Variants in AKAP12 observed in about 807,000 individuals in gnomAD.
AKAP12 encodes A-kinase anchoring protein 12.
AKAP12 carries 32 observed loss-of-function variants against 79.9 expected under a neutral mutation model. That is an observed-to-expected ratio of 0.40 (90% CI 0.30 to 0.54). The LOEUF (loss-of-function observed/expected upper bound fraction) is 0.54. Among genes scored for constraint, AKAP12 ranks in the 20% least tolerant of loss-of-function variants. The probability of loss-of-function intolerance (pLI) is 0.48; values close to 1 mark genes in which losing one functional copy is unlikely to be tolerated. For missense variants in AKAP12, 2,074 were observed against 2,177.0 expected (o/e 0.95, Z 0.94); for synonymous variants, 808 against 857.0 (o/e 0.94, Z 1.00).
chr6:151,287,241 T>C (rs1461070690), intron 2 of AKAP12, among the ~76,000 whole-genome samples: 2 of 151,460 alleles, frequency 1.3e-5, no homozygotes, highest in African/African-American at 4.9e-5. Flanking sequence ...GCCCGGTCTA[T>C]TTTCTTTTTT....
In AKAP12 at chr6:151,303,782, T is replaced by C. The variant is rs73617453; in HGVS notation, c.163-1965T>C. 2.8e-3 allele frequency among the ~76,000 whole-genome samples: 426 copies of C among 152,358 alleles called. 3 individuals are homozygous for C. The highest frequency in any genetic ancestry group is 9.7e-3 in the African/African-American group (404 of 41,584). ...AACAGGACCTTCAAAGCATGGCACG[T>C]ATCTTTGTAATTGTGTGTAGTAACA... On this transcript the variant is annotated intron_variant, in intron 2 of 4. Transcript: ENST00000402676.
intron 2 of AKAP12, among the ~76,000 whole-genome samples, chr6:151,273,707 G>A (rs746771262): frequency 6.6e-6 from 1 of 152,188 alleles, no homozygotes; most frequent in Non-Finnish European, 1.5e-5. Flanking sequence ...GAAAAAGAAT[G>A]GCTAGGTGGT....
At chr6:151,326,626 T>C (rs1464098995) in intron 3 of AKAP12, among the ~76,000 whole-genome samples, 1 of 152,200 alleles carries the variant, frequency 6.6e-6, no homozygotes, top group East Asian at 1.9e-4. Context: ...ACTTTTAGAA[T>C]GCTCTTACAG....
chr6:151,314,279 C>G (rs1052541172), intron 3 of AKAP12, among the ~76,000 whole-genome samples: 1 of 152,170 alleles, frequency 6.6e-6, no homozygotes, highest in Non-Finnish European at 1.5e-5. Context: ...CCACCCACTT[C>G]AGCCTCCCAA....
intron 2 of AKAP12, among the ~76,000 whole-genome samples, chr6:151,261,714 A>G (rs972390561): frequency 1.3e-5 from 2 of 150,234 alleles, no homozygotes; most frequent in African/African-American, 2.4e-5. Flanking sequence ...ACAAACAAGA[A>G]CAACAGTGGT....
At chr6:151,332,377 C>T (rs528459732) in intron 3 of AKAP12, among the ~76,000 whole-genome samples, 1 of 152,234 alleles carries the variant, frequency 6.6e-6, no homozygotes, top group African/African-American at 2.4e-5. Context: ...GCAGAGATCC[C>T]TCCTTCTTGG....
At chr6:151,335,389 C>T (rs1777785390) in intron 3 of AKAP12, among the ~76,000 whole-genome samples, 1 of 152,178 alleles carries the variant, frequency 6.6e-6, no homozygotes, top group Admixed American at 6.5e-5. Context: ...CATAACCAGC[C>T]TTAGTGTCCT....
chr6:151,271,940 G>A (rs1046891227), intron 2 of AKAP12, among the ~76,000 whole-genome samples: 48 of 152,160 alleles, frequency 3.2e-4, no homozygotes, highest in African/African-American at 1.1e-3. Context: ...GGTTACAGGC[G>A]TGAGCCACCA....
chr6:151,261,898 A>T (rs1387589658), intron 2 of AKAP12, among the ~76,000 whole-genome samples: 1 of 151,926 alleles, frequency 6.6e-6, no homozygotes, highest in African/African-American at 2.4e-5. Context: ...CTCACATGGG[A>T]GCAAAGTAAT....
At chr6:151,250,705 A>T (rs1346380657) in intron 2 of AKAP12, among the ~76,000 whole-genome samples, 1 of 150,104 alleles carries the variant, frequency 6.7e-6, no homozygotes, top group Non-Finnish European at 1.5e-5. Context: ...TCCCGGGTTC[A>T]CGCCATTCTC....
intron 2 of AKAP12, among the ~76,000 whole-genome samples, chr6:151,272,497 A>AGATAGAT (rs1194900014): frequency 7.4e-6 from 1 of 135,088 alleles, no homozygotes; most frequent in African/African-American, 3.1e-5. Flanking sequence ...ATGAGATGAT[A>AGATAGAT]GATAGATAGA....
At chr6:151,297,113 A>C (rs979684620) in intron 2 of AKAP12, among the ~76,000 whole-genome samples, 1 of 149,502 alleles carries the variant, frequency 6.7e-6, no homozygotes, top group Non-Finnish European at 1.5e-5. Flanking sequence ...ACTTGTATGA[A>C]ATAAATCATC....
intron 3 of AKAP12, among the ~76,000 whole-genome samples, chr6:151,321,903 G>GTTGTTTTTTTTTTTT (rs1554329714): frequency 1.5e-5 from 1 of 67,358 alleles, no homozygotes; most frequent in African/African-American, 6.2e-5. Context: ...TCAGCTTTAT[G>GTTGTTTTTTTTTTTT]TTTTTTTTTT....
intron 3 of AKAP12, among the ~76,000 whole-genome samples, chr6:151,313,810 A>ATT (rs1404894795): frequency 6.6e-6 from 1 of 152,144 alleles, no homozygotes; most frequent in Non-Finnish European, 1.5e-5. Flanking sequence ...ATTTGAATAC[A>ATT]TTTCTTTATC....
intron 2 of AKAP12, among the ~76,000 whole-genome samples, chr6:151,243,791 C>G (rs960035960): frequency 7.2e-5 from 11 of 152,076 alleles, no homozygotes; most frequent in Middle Eastern, 3.2e-3. Context: ...GATTAGATGA[C>G]CTGAATGCTG....
chr6:151,318,225 C>T (rs1043300842), intron 3 of AKAP12, among the ~76,000 whole-genome samples: 1 of 152,150 alleles, frequency 6.6e-6, no homozygotes, highest in Admixed American at 6.5e-5. Flanking sequence ...TACCAGATCC[C>T]AACCACACTG....
chr6:151,249,533 T>G (rs1188385062), intron 2 of AKAP12, among the ~76,000 whole-genome samples: 1 of 152,190 alleles, frequency 6.6e-6, no homozygotes, highest in Non-Finnish European at 1.5e-5. Context: ...TGCTAGGAAC[T>G]GGGGAAACAG....
At chr6:151,329,959 C>T (rs1777625666) in intron 3 of AKAP12, among the ~76,000 whole-genome samples, 1 of 152,202 alleles carries the variant, frequency 6.6e-6, no homozygotes, top group African/African-American at 2.4e-5. Flanking sequence ...GATGCTAATA[C>T]TTGTTTAGTG....
chr6:151,310,759 T>C (rs1415913729), intron 3 of AKAP12, among the ~76,000 whole-genome samples: 5 of 152,226 alleles, frequency 3.3e-5, no homozygotes, highest in Non-Finnish European at 7.3e-5. Context: ...CTCATTGCCA[T>C]ATACAAGTAA....
Sources: gnomAD v4.1 joint callset for allele counts (sites outside exome capture counted in the v4.1 genomes callset) on GRCh38, gnomAD v4.1.1 for gene constraint, MANE v1.5 for transcripts, NCBI Gene and HGNC (gene_info 2026-07-23, HGNC 2026-07-21) for gene names.